Variants in SPAG9 observed in about 807,000 individuals in gnomAD.
SPAG9 encodes the protein sperm associated antigen 9.
Under a neutral mutation model 166.5 loss-of-function variants are expected in SPAG9, and 35 were observed. The observed-to-expected ratio is 0.21, with a 90% CI of 0.16 to 0.28. The LOEUF (loss-of-function observed/expected upper bound fraction) is 0.28. Among genes scored for constraint, SPAG9 ranks in the 10% least tolerant of loss-of-function variants. SPAG9 has a pLI of 1.00. For synonymous variants in SPAG9, 534 were observed against 565.5 expected (o/e 0.94, Z 0.79); for missense variants, 1,235 against 1,603.3 (o/e 0.77, Z 3.92).
chr17:50,969,063 G>A (rs1178760238), intron 29 of SPAG9, among the ~76,000 whole-genome samples: 1 of 151,988 alleles, frequency 6.6e-6, no homozygotes, highest in Non-Finnish European at 1.5e-5. Flanking sequence ...CTCCTGAATA[G>A]CTGGGATTAC....
At chr17:51,026,320 G>GAAAAAAAAAA (rs55851511) in intron 6 of SPAG9, among the ~76,000 whole-genome samples, 7 of 89,408 alleles carry the variant, frequency 7.8e-5, no homozygotes, top group Non-Finnish European at 1.2e-4. Context: ...GGTGAAAAGA[G>GAAAAAAAAAA]AAAAAAAAAA....
At chr17:50,966,464 T>C (rs1973372638) in intron 29 of SPAG9, 77 bp from the exon 30 acceptor site, 2 of 938,964 alleles carry the variant, frequency 2.1e-6, no homozygotes, top group South Asian at 2.6e-5. Context: ...GTAATGCTCG[T>C]GGTTAGTCCA....
At chr17:50,985,820 C>A in intron 22 of SPAG9, 42 bp from the exon 23 acceptor site, 1 of 1,099,718 alleles carries the variant, frequency 9.1e-7, no homozygotes, top group South Asian at 1.3e-5. Flanking sequence ...TAGAGAACAT[C>A]AAGACATTGC....
At position 51,120,413 on chromosome 17, in the gene SPAG9, TGTC is replaced by T; in HGVS notation, c.241_243del (p.Asp81del). The T allele has an allele frequency of 6.2e-7, 1 of 1,612,396 alleles. No individual in the cohort carries two copies. Among genetic ancestry groups the T allele is most frequent in the Non-Finnish European group, 8.5e-7 (1 of 1,179,308 alleles). ...TCGTACTGGGTGATGAGCTGCTCGT[TGTC>T]GTCCCGCAGCAGCTCCAGCTCCACC... On this transcript the variant is annotated inframe_deletion, in exon 1 of 30. Transcript: ENST00000262013. The surrounding 1 kb of genome is among the most constrained non-coding windows in gnomAD (Gnocchi z 4.7).
intron 8 of SPAG9, among the ~76,000 whole-genome samples, chr17:51,018,519 A>G (rs1317252599): frequency 1.3e-5 from 2 of 152,214 alleles, no homozygotes; most frequent in Non-Finnish European, 2.9e-5. Context: ...TGGAAGGTAC[A>G]AAAGTTTGTT....
At chr17:51,079,009 G>GT (rs1414302592) in intron 2 of SPAG9, among the ~76,000 whole-genome samples, 1 of 152,110 alleles carries the variant, frequency 6.6e-6, no homozygotes, top group Non-Finnish European at 1.5e-5. Flanking sequence ...AAAGCATAAT[G>GT]TTAACTACAA....
At chr17:51,077,105 G>GCTAT (rs1459645815) in intron 2 of SPAG9, among the ~76,000 whole-genome samples, 4 of 125,440 alleles carry the variant, frequency 3.2e-5, no homozygotes, top group Non-Finnish European at 6.8e-5. Flanking sequence ...TATCTAGCTA[G>GCTAT]CTATCTAGCT....
Position 50,995,547 on chromosome 17 carries a change from AAGG to A in SPAG9, c.1969-17_1969-15del. ...ACCATTGGTTACCTAATAATGGTGG[AAGG>A]AGGAGTGAAAAAGGCACATTAGTAA... On this transcript the variant is annotated splice_polypyrimidine_tract_variant and intron_variant, in intron 16 of 29. Transcript: ENST00000262013. 1 of 1,546,446 alleles carries A rather than the reference AAGG, an allele frequency of 6.5e-7. No homozygotes were observed. Among genetic ancestry groups the A allele is most frequent in the African/African-American group, 1.4e-5 (1 of 73,544 alleles).
Position 51,120,730 on chromosome 17 carries a change from C to A in SPAG9, c.-74G>T. ...CGGCACCTGCCCGCACGGGACGGAC[C>A]CGACTCGGGCTGGGACGGGTACTAG... On this transcript the variant is annotated 5_prime_UTR_variant, in exon 1 of 30. Coordinates refer to ENST00000262013, the MANE Select transcript of SPAG9 (RefSeq NM_001130528.3). The surrounding 1 kb of genome is among the most constrained non-coding windows in gnomAD (Gnocchi z 4.7). 2 of 1,356,508 alleles carry A rather than the reference C, an allele frequency of 1.5e-6. No individual in the cohort carries two copies. Among genetic ancestry groups the A allele is most frequent in the Non-Finnish European group, 2.0e-6 (2 of 1,006,330 alleles). 84.0% of individuals were successfully genotyped at this position (1,356,508 alleles called of 1,614,324 possible).
In SPAG9 at chr17:51,056,401, TA is replaced by T; in HGVS notation, c.495+10del. On this transcript the variant is annotated intron_variant, in intron 3 of 29. Coordinates refer to ENST00000262013, the MANE Select transcript of SPAG9 (RefSeq NM_001130528.3). ...AATAATAGCATGGTAATGAAAAACC[TA>T]GAAACCCACCTCAGTGTGTCTTTGA... The T allele has an allele frequency of 6.4e-7, 1 of 1,553,300 alleles. No homozygotes were observed. Among genetic ancestry groups the T allele is most frequent in the Non-Finnish European group, 8.9e-7 (1 of 1,125,766 alleles).
At chr17:51,071,476 T>C (rs1366184534) in intron 2 of SPAG9, among the ~76,000 whole-genome samples, 1 of 152,190 alleles carries the variant, frequency 6.6e-6, no homozygotes, top group Non-Finnish European at 1.5e-5. Context: ...TAAGGAATAA[T>C]ATACAGCATT....
In SPAG9 at chr17:50,964,699, TA is replaced by T. The variant is rs950094200; in HGVS notation, c.*1572del. ...GGAAAAAATTGCAGCATCGTGGTTT[TA>T]AAAAACTTATTAAGCAAGAAAATCA... On this transcript the variant is annotated 3_prime_UTR_variant, in exon 30 of 30. Coordinates refer to ENST00000262013, the MANE Select transcript of SPAG9 (RefSeq NM_001130528.3). 3 of 449,322 alleles carry T rather than the reference TA, an allele frequency of 6.7e-6. No individual in the cohort carries two copies. The highest frequency in any genetic ancestry group is 2.0e-5 in the African/African-American group (1 of 49,566). 27.8% of individuals were successfully genotyped at this position (449,322 alleles called of 1,614,324 possible).
intron 6 of SPAG9, among the ~76,000 whole-genome samples, chr17:51,022,388 C>CATAA (rs1158215703): frequency 6.6e-6 from 1 of 151,972 alleles, no homozygotes; most frequent in Admixed American, 6.6e-5. Context: ...AATTTGATCA[C>CATAA]TATTATAGGA....
rs369538903 is a variant in SPAG9, at chr17:51,022,943, AAATAATAAT to A, written c.784-1587_784-1579del. ...GCAACAAGAGTGAAACTCCATCTCA[AAATAATAAT>A]AATAATAATAATAATAATAATAAAT... On this transcript the variant is annotated intron_variant, in intron 6 of 29. Transcript: ENST00000262013. Among the ~76,000 whole-genome samples, 22 of 143,218 alleles carry A rather than the reference AAATAATAAT, an allele frequency of 1.5e-4. No individual in the cohort carries two copies. The South Asian group carries it at 1.8e-3, about 11-fold the overall frequency. The allele number at this position is 143,218 out of a possible 152,430, so 94.0% of individuals were successfully genotyped here.
chr17:51,027,783 C>T (rs1374490733), intron 6 of SPAG9, among the ~76,000 whole-genome samples: 2 of 152,064 alleles, frequency 1.3e-5, no homozygotes, highest in Non-Finnish European at 2.9e-5. Flanking sequence ...TATGTATTTA[C>T]TAAAATTTTC....
intron 9 of SPAG9, among the ~76,000 whole-genome samples, chr17:51,012,940 A>C (rs1397412716): frequency 6.6e-6 from 1 of 151,922 alleles, no homozygotes; most frequent in African/African-American, 2.4e-5. Context: ...CATGTTGCCC[A>C]GGCTGGTCTC....
chr17:50,994,870 G>A (rs942621525), intron 18 of SPAG9, among the ~76,000 whole-genome samples, 187 bp downstream of exon 18: 8 of 152,216 alleles, frequency 5.3e-5, no homozygotes, highest in African/African-American at 1.9e-4. Flanking sequence ...TACCCATTTC[G>A]AGTGCACACT....
chr17:50,978,688 G>A (rs1236676239), intron 26 of SPAG9, among the ~76,000 whole-genome samples: 2 of 152,182 alleles, frequency 1.3e-5, no homozygotes, highest in Non-Finnish European at 2.9e-5. Context: ...AGCTAAGTAA[G>A]TAAAAAGGGA....
At chr17:51,015,230 G>A (rs1200038754) in intron 8 of SPAG9, among the ~76,000 whole-genome samples, 1 of 152,122 alleles carries the variant, frequency 6.6e-6, no homozygotes, top group East Asian at 1.9e-4. Context: ...GGGGTTTAGG[G>A]AGGAGGTCAA....
Sources: gnomAD v4.1 joint callset for allele counts (sites outside exome capture counted in the v4.1 genomes callset) on GRCh38, gnomAD v4.1.1 for gene constraint, Gnocchi (gnomAD v3.1) non-coding constraint, MANE v1.5 for transcripts, NCBI Gene and HGNC (gene_info 2026-07-23, HGNC 2026-07-21) for gene names.